NFIA: variants seen among roughly 807,000 people sequenced by gnomAD.
The protein encoded by NFIA is nuclear factor I A, also known as nuclear factor 1 A-type.
Under a neutral mutation model 62.8 loss-of-function variants are expected in NFIA, and 8 were observed. That is an observed-to-expected ratio of 0.13 (90% confidence interval 0.07 to 0.23). The LOEUF is 0.23. Ranked by LOEUF, NFIA falls within the 10% of genes least tolerant of loss-of-function variation. NFIA has a pLI of 1.00. For missense variants in NFIA, 410 were observed against 642.1 expected, an observed-to-expected ratio of 0.64 and a Z score of 3.91; for synonymous variants, 235 against 238.1, an observed-to-expected ratio of 0.99 and a Z score of 0.12.
chr1:61,185,766 T>C (rs1181258704), intron 2 of NFIA, among the ~76,000 whole-genome samples: 2 of 152,152 alleles, frequency 1.3e-5, no homozygotes, highest in Non-Finnish European at 2.9e-5. Flanking sequence ...CAGCTCCTTT[T>C]GTGGCTGGCT....
In NFIA at chr1:61,368,262, C is replaced by G. The variant is rs147340211; in HGVS notation, c.946+8988C>G. ...TATATGTGAAATCCTCCTCCCTGTG[C>G]CTGTCACCATCCTCAGTACAGCCCC... On this transcript the variant is annotated intron_variant, in intron 6 of 10. Transcript: ENST00000403491. 8.5e-4 allele frequency among the ~76,000 whole-genome samples: 129 copies of G among 152,254 alleles called. No individual in the cohort carries two copies. The East Asian group carries it at 0.022, about 26-fold the overall frequency.
At chr1:61,431,862 C>T (rs1420542299) in intron 10 of NFIA, among the ~76,000 whole-genome samples, 1 of 152,154 alleles carries the variant, frequency 6.6e-6, no homozygotes, top group Non-Finnish European at 1.5e-5. Flanking sequence ...CCTGAGAAAC[C>T]AAAGCTTAGA....
At chr1:61,386,069 A>G (rs1664669353) in intron 7 of NFIA, 1 of 152,334 alleles carries the variant, frequency 6.6e-6, no homozygotes, top group African/African-American at 2.4e-5. Context: ...TGGCTAAGAC[A>G]TTTTTAAAAG....
chr1:61,254,543 G>A (rs567277796), intron 2 of NFIA, among the ~76,000 whole-genome samples: 20 of 152,238 alleles, frequency 1.3e-4, no homozygotes, highest in Non-Finnish European at 8.8e-5. Context: ...GGATAGGCAA[G>A]ATTAGTACAT....
chr1:61,415,002 T>C (rs1279313859), intron 9 of NFIA, among the ~76,000 whole-genome samples: 2 of 152,160 alleles, frequency 1.3e-5, no homozygotes, highest in African/African-American at 4.8e-5. Flanking sequence ...AGGGAACTTA[T>C]TTTACTTTGC....
chr1:61,147,539 T>C (rs1444962835), intron 2 of NFIA, among the ~76,000 whole-genome samples: 1 of 152,248 alleles, frequency 6.6e-6, no homozygotes, highest in Non-Finnish European at 1.5e-5. Context: ...CGGAATCAAG[T>C]CACTGGTATT....
chr1:61,194,473 C>T (rs1651859633), intron 2 of NFIA, among the ~76,000 whole-genome samples: 1 of 152,170 alleles, frequency 6.6e-6, no homozygotes, highest in African/African-American at 2.4e-5. Flanking sequence ...TGGAACGTTT[C>T]TCCTTCCCTT....
chr1:61,332,548 G>A lies in NFIA; in HGVS notation c.662G>A (p.Gly221Asp), dbSNP rs1243394481. 7.4e-6 allele frequency: 12 copies of A among 1,613,834 alleles called. No homozygotes were observed. The highest frequency in any genetic ancestry group is 1.3e-5 in the African/African-American group (1 of 74,886). Reference protein sequence around the residue: ...LGFQDSFVTSGVFSVTELVRV... With the variant: ...LGFQDSFVTSDVFSVTELVRV... ...TTCCAGGACAGTTTTGTCACATCAGGTGTTTTTAGTGTCACTGAGCTAGTA... is the reference window on the plus strand; with the variant it reads ...TTCCAGGACAGTTTTGTCACATCAGATGTTTTTAGTGTCACTGAGCTAGTA... Residue 221 changes from glycine to aspartate, a missense_variant, in exon 4 of 11, where the codon GGT becomes GAT. This residue lies in a region of NFIA where 298 missense variants were observed against 438.1 expected (regional missense o/e 0.68). Coordinates refer to ENST00000403491, the MANE Select transcript of NFIA (RefSeq NM_001134673.4).
At chr1:61,183,566 A>G (rs1650904017) in intron 2 of NFIA, among the ~76,000 whole-genome samples, 1 of 152,198 alleles carries the variant, frequency 6.6e-6, no homozygotes, top group Non-Finnish European at 1.5e-5. Context: ...AACACCACAG[A>G]CATGCCTGGC....
At chr1:61,365,787 A>G (rs989307340) in intron 6 of NFIA, among the ~76,000 whole-genome samples, 6 of 152,154 alleles carry the variant, frequency 3.9e-5, no homozygotes, top group African/African-American at 1.4e-4. Context: ...CTCTGTCACA[A>G]AGTTATGACA....
At chr1:61,246,644 C>T (rs992230010) in intron 2 of NFIA, among the ~76,000 whole-genome samples, 3 of 152,114 alleles carry the variant, frequency 2.0e-5, no homozygotes, top group African/African-American at 7.2e-5. Flanking sequence ...GCGTTATTGT[C>T]CATAATATCC....
rs958810285 is a variant in NFIA, at chr1:61,394,020, A to C, written c.1076-10084A>C. Among the ~76,000 whole-genome samples, 3 of 152,230 alleles carry C rather than the reference A, an allele frequency of 2.0e-5. 1 individual carries two copies. The highest frequency in any genetic ancestry group is 7.2e-5 in the African/African-American group (3 of 41,454). ...TCTATTTATTCTAAAAACAATCCTA[A>C]GAATATTAAATAACCCAGAGTCTAG... On this transcript the variant is annotated intron_variant, in intron 7 of 10. Transcript: ENST00000403491.
intron 10 of NFIA, among the ~76,000 whole-genome samples, chr1:61,454,922 C>T (rs1358992002): frequency 3.3e-5 from 5 of 152,172 alleles, no homozygotes; most frequent in African/African-American, 4.8e-5. Context: ...TCATTAAGAA[C>T]GTTCTGTATT....
chr1:61,095,563 C>T (rs1646396808), intron 2 of NFIA, among the ~76,000 whole-genome samples: 1 of 152,146 alleles, frequency 6.6e-6, no homozygotes. Context: ...AAGTCAAAAT[C>T]CAAACCCCTC....
intron 3 of NFIA, among the ~76,000 whole-genome samples, chr1:61,321,968 A>T (rs1660701615): frequency 6.6e-6 from 1 of 152,184 alleles, no homozygotes; most frequent in African/African-American, 2.4e-5. Flanking sequence ...TGGTGAAAAG[A>T]TGTGACAAGG....
At chr1:61,245,802 A>G (rs1401882944) in intron 2 of NFIA, among the ~76,000 whole-genome samples, 1 of 152,200 alleles carries the variant, frequency 6.6e-6, no homozygotes, top group African/African-American at 2.4e-5. Flanking sequence ...AGTTACTAAA[A>G]ACTTGTAGTC....
At chr1:61,300,344 A>G (rs1489074811) in intron 3 of NFIA, among the ~76,000 whole-genome samples, 2 of 152,162 alleles carry the variant, frequency 1.3e-5, no homozygotes, top group African/African-American at 4.8e-5. Context: ...TCACTAGAGT[A>G]TGAGTAATAA....
At chr1:61,149,803 T>G (rs1273600348) in intron 2 of NFIA, among the ~76,000 whole-genome samples, 1 of 152,206 alleles carries the variant, frequency 6.6e-6, no homozygotes, top group African/African-American at 2.4e-5. Flanking sequence ...TGAGAAATGA[T>G]AAATGTCTTA....
chr1:61,117,668 C>A (rs529399587), intron 2 of NFIA, among the ~76,000 whole-genome samples: 2 of 152,276 alleles, frequency 1.3e-5, no homozygotes, highest in South Asian at 4.1e-4. Context: ...GTATATTTCA[C>A]TAATAATCGT....
Sources: gnomAD v4.1 joint callset for allele counts (sites outside exome capture counted in the v4.1 genomes callset) on GRCh38, gnomAD v4.1.1 for gene constraint, gnomAD v4.1.1 regional missense constraint, MANE v1.5 for transcripts, NCBI Gene and HGNC (gene_info 2026-07-23, HGNC 2026-07-21) for gene names.